The following MAPKAP1 variants were observed in gnomAD, a reference collection of about 807,000 sequenced individuals.
MAPKAP1 encodes MAPK associated protein 1.
Under a neutral mutation model 65.7 loss-of-function variants are expected in MAPKAP1, and 20 were observed. The ratio of observed to expected loss-of-function variants is 0.30; its 90% CI spans 0.21 to 0.44. MAPKAP1 has a LOEUF of 0.44. MAPKAP1 is among the 20% of genes least tolerant of loss of function. MAPKAP1 has a pLI of 1.00. For synonymous variants in MAPKAP1, 222 were observed against 244.3 expected, an observed-to-expected ratio of 0.91 and a Z score of 0.85; for missense variants, 423 against 648.0, an observed-to-expected ratio of 0.65 and a Z score of 3.77.
chr9:125,535,133 A>G lies in MAPKAP1; in HGVS notation c.958+7926T>C, dbSNP rs566171880. Among the ~76,000 whole-genome samples, 6 of 152,294 alleles carry G rather than the reference A, an allele frequency of 3.9e-5. No individual in the cohort carries two copies. In the South Asian group the frequency reaches 1.0e-3, roughly 26 times the overall value. On this transcript the variant is annotated intron_variant, in intron 7 of 11. Transcript: ENST00000265960. Reference sequence around the variant, plus strand: ...TGGCCCTGCCTAGTTTCTGTAGCTTACCCTCTGCCCTCTTCCTGCTCCAAT... The same window carrying G: ...TGGCCCTGCCTAGTTTCTGTAGCTTGCCCTCTGCCCTCTTCCTGCTCCAAT...
chr9:125,460,063 C>T (rs1432964130), intron 10 of MAPKAP1, among the ~76,000 whole-genome samples: 1 of 152,090 alleles, frequency 6.6e-6, no homozygotes, highest in African/African-American at 2.4e-5. Flanking sequence ...GCTGAGAAAT[C>T]TTTCACACAG....
intron 3 of MAPKAP1, among the ~76,000 whole-genome samples, chr9:125,664,666 A>C (rs1554839548): frequency 1.4e-5 from 2 of 143,292 alleles, no homozygotes; most frequent in Non-Finnish European, 3.0e-5. Context: ...CGGAGGTTGC[A>C]GTGAGCAGAG....
chr9:125,671,516 A>G (rs1834496794), intron 2 of MAPKAP1, among the ~76,000 whole-genome samples: 2 of 152,186 alleles, frequency 1.3e-5, no homozygotes, highest in East Asian at 1.9e-4. Context: ...TTTTCTGATT[A>G]TCTAAAAAAA....
intron 10 of MAPKAP1, among the ~76,000 whole-genome samples, chr9:125,459,680 C>T (rs1364854713): frequency 3.9e-5 from 6 of 152,156 alleles, no homozygotes; most frequent in South Asian, 2.1e-4. Flanking sequence ...TCAGGCGTGG[C>T]GGCACGCGCC....
intron 1 of MAPKAP1, among the ~76,000 whole-genome samples, chr9:125,685,812 T>C (rs2131833650): frequency 6.6e-6 from 1 of 152,294 alleles, no homozygotes; most frequent in Non-Finnish European, 1.5e-5. Context: ...AGACAACAGG[T>C]GCATCTTTCT....
At chr9:125,457,997 C>G (rs374295253) in intron 10 of MAPKAP1, among the ~76,000 whole-genome samples, 6 of 152,218 alleles carry the variant, frequency 3.9e-5, no homozygotes, top group African/African-American at 1.4e-4. Flanking sequence ...GACTGCCATA[C>G]TTTCCTTGGG....
intron 10 of MAPKAP1, among the ~76,000 whole-genome samples, chr9:125,458,673 C>G (rs111659228): frequency 0.014 from 2,153 of 150,602 alleles, 17 homozygotes; most frequent in South Asian, 0.041. Flanking sequence ...ACCCCTCCCC[C>G]CTTTCTATTC....
chr9:125,671,624 T>C (rs1041578606), intron 2 of MAPKAP1, among the ~76,000 whole-genome samples: 5 of 152,130 alleles, frequency 3.3e-5, no homozygotes, highest in African/African-American at 1.2e-4. Flanking sequence ...CACATTCCCC[T>C]TGAAACAAGG....
At position 125,449,578 on chromosome 9, in the gene MAPKAP1, C is replaced by G. The variant is rs568167062; in HGVS notation, c.1346-4980G>C. On this transcript the variant is annotated intron_variant, in intron 10 of 11. Coordinates refer to ENST00000265960, the MANE Select transcript of MAPKAP1 (RefSeq NM_001006617.3). The stretch of plus-strand genomic sequence containing the variant: ...GAAGTGAAAATCTGGATATGTAGAA[C>G]TGTATTTACACTTATGTAAGTTTTT... 5.9e-5 allele frequency among the ~76,000 whole-genome samples: 9 copies of G among 152,262 alleles called. 1 individual carries two copies. The South Asian group carries it at 1.9e-3, about 32-fold the overall frequency.
chr9:125,699,710 G>A (rs1024895029), intron 1 of MAPKAP1, among the ~76,000 whole-genome samples: 1 of 150,616 alleles, frequency 6.6e-6, no homozygotes, highest in African/African-American at 2.4e-5. Flanking sequence ...ATGGCTCACA[G>A]CAGCCTCAGC....
chr9:125,685,128 T>C (rs77201524), intron 1 of MAPKAP1, among the ~76,000 whole-genome samples: 2,997 of 152,340 alleles, frequency 0.02, 163 homozygotes, highest in East Asian at 0.15. Context: ...GGCACTGTTC[T>C]AGATGCAGAA....
chr9:125,681,937 T>G (rs1169242634), intron 1 of MAPKAP1, among the ~76,000 whole-genome samples: 1 of 152,146 alleles, frequency 6.6e-6, no homozygotes, highest in Non-Finnish European at 1.5e-5. Context: ...TTTTTAAATT[T>G]TTTTGTAGAG....
chr9:125,615,967 T>A (rs190122225), intron 4 of MAPKAP1, among the ~76,000 whole-genome samples: 3 of 151,126 alleles, frequency 2.0e-5, no homozygotes, highest in Admixed American at 6.6e-5. Flanking sequence ...GGAGCATGAT[T>A]TATCAGTTAC....
Position 125,447,490 on chromosome 9 carries a change from G to T in MAPKAP1, c.1346-2892C>A. 2.2e-6 allele frequency: 1 copy of T among 456,532 alleles called. No individual in the cohort carries two copies. Among genetic ancestry groups the T allele is most frequent in the Non-Finnish European group, 4.4e-6 (1 of 226,954 alleles). 28.3% of individuals were successfully genotyped at this position (456,532 alleles called of 1,614,324 possible). A position where few individuals can be genotyped will look rare whatever the true frequency, so the allele number is the denominator to read the frequency against. ...TGCAAGGAGTGATGAGCGGAACCCT[G>T]GGGGGCAAGGGCAGGTTAAGATCAG... On this transcript the variant is annotated intron_variant, in intron 10 of 11. Coordinates refer to ENST00000265960, the MANE Select transcript of MAPKAP1 (RefSeq NM_001006617.3). The surrounding 1 kb of genome is among the most constrained non-coding windows in gnomAD (Gnocchi z 4.5).
chr9:125,643,194 C>A (rs2131717105), intron 4 of MAPKAP1, among the ~76,000 whole-genome samples: 1 of 148,122 alleles, frequency 6.8e-6, no homozygotes, highest in South Asian at 2.1e-4. Flanking sequence ...GCCACCACGC[C>A]CAGCGTTTTT....
intron 4 of MAPKAP1, among the ~76,000 whole-genome samples, chr9:125,650,102 A>G (rs1455745223): frequency 2.6e-5 from 4 of 152,084 alleles, no homozygotes; most frequent in Admixed American, 6.5e-5. Flanking sequence ...ACTTTTGCCT[A>G]CTACTAAATA....
chr9:125,486,324 T>C (rs1057219497), intron 8 of MAPKAP1, among the ~76,000 whole-genome samples: 3 of 152,194 alleles, frequency 2.0e-5, no homozygotes, highest in African/African-American at 7.2e-5. Context: ...GTTGGTGCCA[T>C]CACCAGTGCA....
At chr9:125,682,467 A>C (rs545955686) in intron 1 of MAPKAP1, among the ~76,000 whole-genome samples, 1 of 152,320 alleles carries the variant, frequency 6.6e-6, no homozygotes, top group African/African-American at 2.4e-5. Context: ...ATGTGCTAGC[A>C]ATAGCTGTGA....
chr9:125,609,450 C>T (rs1418104176), intron 4 of MAPKAP1, among the ~76,000 whole-genome samples: 1 of 152,200 alleles, frequency 6.6e-6, no homozygotes, highest in Non-Finnish European at 1.5e-5. Flanking sequence ...CAGCCTCTGG[C>T]TTTGTTTCAC....
Sources: gnomAD v4.1 joint callset for allele counts (sites outside exome capture counted in the v4.1 genomes callset) on GRCh38, gnomAD v4.1.1 for gene constraint, Gnocchi (gnomAD v3.1) non-coding constraint, MANE v1.5 for transcripts, NCBI Gene and HGNC (gene_info 2026-07-23, HGNC 2026-07-21) for gene names.